SYNE3: variants seen among roughly 807,000 people sequenced by gnomAD.
SYNE3 encodes spectrin repeat containing nuclear envelope family member 3.
Under a neutral mutation model 111.2 loss-of-function variants are expected in SYNE3, and 100 were observed. That is an observed-to-expected ratio of 0.90 (90% CI 0.77 to 1.06). SYNE3 has a LOEUF of 1.06. SYNE3 is among the 50% of genes least tolerant of loss of function. The probability of loss-of-function intolerance (pLI) is 0.00; values close to 1 mark genes in which losing one functional copy is unlikely to be tolerated. For synonymous variants in SYNE3, 547 were observed against 533.9 expected (o/e 1.02, Z -0.34); for missense variants, 1,160 against 1,240.3 (o/e 0.94, Z 0.97).
intron 1 of SYNE3, among the ~76,000 whole-genome samples, chr14:95,481,724 C>T (rs898884640): frequency 6.6e-6 from 1 of 152,196 alleles, no homozygotes; most frequent in African/African-American, 2.4e-5. Flanking sequence ...GTGTGGGCCC[C>T]CAGGCCAGGG....
At chr14:95,418,081 G>A (rs1354844638) in intron 17 of SYNE3, 55 bp from the exon 18 acceptor site, 48 of 1,589,210 alleles carry the variant, frequency 3.0e-5, no homozygotes, top group Non-Finnish European at 3.8e-5. Context: ...GTGGTGGGGG[G>A]CAGGTTCAGG....
At position 95,411,341 on chromosome 14, in the gene SYNE3, A is replaced by T. The variant is rs1205025397; in HGVS notation, c.*6485T>A. The T allele has an allele frequency of 1.3e-5, 2 of 151,868 alleles. No individual in the cohort carries two copies. The highest frequency in any genetic ancestry group is 2.9e-5 in the Non-Finnish European group (2 of 67,958). The allele number at this position is 151,868 out of a possible 1,614,324, so 9.4% of individuals were successfully genotyped here. On this transcript the variant is annotated 3_prime_UTR_variant, in exon 18 of 18. Coordinates refer to ENST00000682763, the MANE Select transcript of SYNE3 (RefSeq NM_152592.6). ...AAATTCAAAAAAAAAAAAAGAAAAA[A>T]GAAAAGGAGACCAGAATTGAGAGCT...
chr14:95,504,843 GAA>G (rs970277698), intron 1 of SYNE3, among the ~76,000 whole-genome samples: 1 of 151,942 alleles, frequency 6.6e-6, no homozygotes, highest in Non-Finnish European at 1.5e-5. Flanking sequence ...AAAGAAAAAA[GAA>G]AAAAGACAAT....
rs1258397422 is a variant in SYNE3, at chr14:95,470,414, T to C, written c.145-2447A>G. ...TGGGAGACCAAGGCAGGAGGATCGC[T>C]GAGGCCAGGAGTATGCAACCACTCT... On this transcript the variant is annotated intron_variant, in intron 2 of 17. Transcript: ENST00000682763. The surrounding 1 kb of genome is among the most constrained non-coding windows in gnomAD (Gnocchi z 4.2). Among the ~76,000 whole-genome samples, 1 of 151,472 alleles carries C rather than the reference T, an allele frequency of 6.6e-6. No individual in the cohort carries two copies. The highest frequency in any genetic ancestry group is 2.4e-5 in the African/African-American group (1 of 41,158).
Position 95,500,515 on chromosome 14 carries a change from T to C in SYNE3, c.-15+16081A>G, listed in dbSNP as rs1890296312. 6.6e-6 allele frequency among the ~76,000 whole-genome samples: 1 copy of C among 152,194 alleles called. No homozygotes were observed. The highest frequency in any genetic ancestry group is 1.5e-5 in the Non-Finnish European group (1 of 68,028). Reference sequence around the variant, plus strand: ...GCAGGGAGAAGCTGCCCTCTGGGACTTTGCTTTGGCCCAGCCGGACTCAGC... The same window carrying C: ...GCAGGGAGAAGCTGCCCTCTGGGACCTTGCTTTGGCCCAGCCGGACTCAGC... On this transcript the variant is annotated intron_variant, in intron 1 of 17. Transcript: ENST00000682763. This position sits in a 1 kb window ranked among gnomAD's most constrained non-coding sequence, Gnocchi z 4.7.
intron 1 of SYNE3, among the ~76,000 whole-genome samples, chr14:95,507,033 C>T (rs972354788): frequency 1.3e-5 from 2 of 152,182 alleles, no homozygotes; most frequent in African/African-American, 4.8e-5. Flanking sequence ...TGGGGTGGTC[C>T]GCAGTTCACA....
intron 16 of SYNE3, 56 bp downstream of exon 16, chr14:95,433,204 G>A (rs796979098): frequency 2.0e-5 from 32 of 1,581,138 alleles, no homozygotes; most frequent in Admixed American, 1.1e-4. Context: ...AGGCAAATAC[G>A]GCCCAGCTAT....
At position 95,444,595 on chromosome 14, in the gene SYNE3, C is replaced by A; in HGVS notation, c.1666G>T (p.Ala556Ser). 6.2e-7 allele frequency: 1 copy of A among 1,611,884 alleles called. No homozygotes were observed. The highest frequency in any genetic ancestry group is 8.5e-7 in the Non-Finnish European group (1 of 1,178,474). The change falls in exon 10 of 18, where the codon GCT becomes TCT. Residue 556 changes from alanine (A) to serine (S), a missense_variant. Transcript: ENST00000682763. The part of the protein sequence containing the change: ...LLAQHKDFGA[A>S]FEPLQRKLLD... ...AGCTTCCTCTGCAGGGGCTCAAAAG[C>A]TGCTCCAAAGTCTTTGTGCTGAGCG...
intron 17 of SYNE3, among the ~76,000 whole-genome samples, chr14:95,418,584 T>A (rs1428072943): frequency 1.3e-5 from 2 of 152,026 alleles, no homozygotes; most frequent in Non-Finnish European, 2.9e-5. Context: ...CTCTTTTTCC[T>A]CCCCCTCTTC....
At chr14:95,418,167 G>A in intron 17 of SYNE3, 141 bp from the exon 18 acceptor site, 1 of 843,294 alleles carries the variant, frequency 1.2e-6, no homozygotes, top group Non-Finnish European at 1.9e-6. Context: ...GTTCTCATCT[G>A]TGAAACAGGG....
chr14:95,433,749 T>C (rs1885925182), intron 15 of SYNE3, among the ~76,000 whole-genome samples: 1 of 152,364 alleles, frequency 6.6e-6, no homozygotes, highest in East Asian at 1.9e-4. Context: ...TGTCTTTCTG[T>C]TAGCATTTTG....
chr14:95,513,358 C>T (rs945169314), intron 1 of SYNE3, among the ~76,000 whole-genome samples: 1 of 152,022 alleles, frequency 6.6e-6, no homozygotes, highest in African/African-American at 2.4e-5. Context: ...TTCTCTATAC[C>T]ACGTCTGCAG....
In SYNE3 at chr14:95,485,310, T is replaced by C. The variant is rs1477262958; in HGVS notation, c.-14-9475A>G. On this transcript the variant is annotated intron_variant, in intron 1 of 17. Coordinates refer to ENST00000682763, the MANE Select transcript of SYNE3 (RefSeq NM_152592.6). The surrounding 1 kb of genome is among the most constrained non-coding windows in gnomAD (Gnocchi z 4.3). ...GAAGAGCAGAGCAGGCTTCCTCCTCTTGGAGAAGGACAGAGTGAGGCGGGG... is the reference window on the plus strand; with the variant it reads ...GAAGAGCAGAGCAGGCTTCCTCCTCCTGGAGAAGGACAGAGTGAGGCGGGG... 1.3e-5 allele frequency among the ~76,000 whole-genome samples: 2 copies of C among 152,170 alleles called. No homozygotes were observed. Among genetic ancestry groups the C allele is most frequent in the Non-Finnish European group, 2.9e-5 (2 of 68,026 alleles).
At chr14:95,486,296 T>C (rs1464901212) in intron 1 of SYNE3, among the ~76,000 whole-genome samples, 4 of 151,918 alleles carry the variant, frequency 2.6e-5, no homozygotes, top group Admixed American at 2.0e-4. Flanking sequence ...TGCATCTGCC[T>C]GCACCTTCCT....
At chr14:95,452,754 G>C (rs533465379) in intron 6 of SYNE3, among the ~76,000 whole-genome samples, 2 of 152,214 alleles carry the variant, frequency 1.3e-5, no homozygotes, top group Non-Finnish European at 2.9e-5. Flanking sequence ...GTCCTGAAAG[G>C]CTAGTCTCCG....
In SYNE3 at chr14:95,466,153, T is replaced by C; in HGVS notation, c.405A>G (p.Thr135=). ...FYRWFQKMMV[T]LEPHIELQLG... Reference sequence around the variant, plus strand: ...GCTGGAGCTCGATGTGGGGCTCCAGTGTGACCATCATCTTCTGGAACCAGC... The same window carrying C: ...GCTGGAGCTCGATGTGGGGCTCCAGCGTGACCATCATCTTCTGGAACCAGC... Residue 135 remains threonine (T), a synonymous_variant, in exon 4 of 18, where the codon ACA becomes ACG. Transcript: ENST00000682763. 1 of 1,608,768 alleles carries C rather than the reference T, an allele frequency of 6.2e-7. No individual in the cohort carries two copies. The highest frequency in any genetic ancestry group is 8.5e-7 in the Non-Finnish European group (1 of 1,175,708).
chr14:95,473,356 A>T (rs1197834532), intron 2 of SYNE3, among the ~76,000 whole-genome samples: 2 of 151,956 alleles, frequency 1.3e-5, no homozygotes, highest in African/African-American at 4.8e-5. Context: ...CCCACCAGCA[A>T]AGGGTAGAAA....
rs1400989454 is a variant in SYNE3 at position 95,416,986 on chromosome 14, CTGAATGAAACACACAGA to C, written c.*823_*839del. On this transcript the variant is annotated 3_prime_UTR_variant, in exon 18 of 18. Transcript: ENST00000682763. ...CAAGCTTGTCTTCTTCCCTTTCTCC[CTGAATGAAACACACAGA>C]GCAGGATCTCACCGTTTCATGGGGG... The C allele has an allele frequency of 1.3e-5, 2 of 152,278 alleles. No individual in the cohort carries two copies. The highest frequency in any genetic ancestry group is 2.9e-5 in the Non-Finnish European group (2 of 68,104). The allele number at this position is 152,278 out of a possible 1,614,324, so 9.4% of individuals were successfully genotyped here.
At chr14:95,425,167 A>T (rs1025703366) in intron 17 of SYNE3, among the ~76,000 whole-genome samples, 21 of 151,902 alleles carry the variant, frequency 1.4e-4, no homozygotes, top group African/African-American at 3.9e-4. Flanking sequence ...AATCGCTTGA[A>T]CCTGGGAGAT....
Sources: gnomAD v4.1 joint callset for allele counts (sites outside exome capture counted in the v4.1 genomes callset) on GRCh38, gnomAD v4.1.1 for gene constraint, Gnocchi (gnomAD v3.1) non-coding constraint, MANE v1.5 for transcripts, NCBI Gene and HGNC (gene_info 2026-07-23, HGNC 2026-07-21) for gene names.